The following TFEB variants were observed in gnomAD, a reference collection of about 807,000 sequenced individuals.
TFEB encodes T-cell transcription factor EB.
Under a neutral mutation model 48.0 loss-of-function variants are expected in TFEB, and 12 were observed. That is an observed-to-expected ratio of 0.25 (90% confidence interval 0.16 to 0.40). The LOEUF is 0.40. TFEB is among the 10% of genes least tolerant of loss of function. The pLI is 1.00. For missense variants in TFEB, 509 were observed against 640.3 expected (o/e 0.79, Z 2.21); for synonymous variants, 244 against 261.4 (o/e 0.93, Z 0.64).
rs138848200 is a variant in TFEB at position 41,690,516 on chromosome 6, G to T, written c.468+147C>A. The T allele has an allele frequency of 5.6e-4, 523 of 940,934 alleles. 4 individuals carry two copies. In the African/African-American group the frequency reaches 7.7e-3, roughly 14 times the overall value. 58.3% of individuals were successfully genotyped at this position (940,934 alleles called of 1,614,324 possible). A position where few individuals can be genotyped will look rare whatever the true frequency, so the allele number is the denominator to read the frequency against. ...GCTGTGTCTTCCCCCCTGAGATTGG[G>T]GCTCCCTGAGAAGGGCTCTGTCCCC... is the stretch of plus-strand genomic sequence containing the variant. On this transcript the variant is annotated intron_variant, in intron 3 of 8. Coordinates refer to ENST00000373033, the MANE Select transcript of TFEB (RefSeq NM_001271944.2).
At chr6:41,689,058 C>G (rs1769160927) in intron 4 of TFEB, among the ~76,000 whole-genome samples, 1 of 152,242 alleles carries the variant, frequency 6.6e-6, no homozygotes, top group Non-Finnish European at 1.5e-5. Context: ...AATCTTCCCA[C>G]AATCCTGTGG....
chr6:41,734,860 G>T lies in TFEB; in HGVS notation c.-23+490C>A. On this transcript the variant is annotated intron_variant, in intron 1 of 8. Transcript: ENST00000373033. The surrounding 1 kb of genome is among the most constrained non-coding windows in gnomAD (Gnocchi z 4.0). ...CCGCTCTGGCCCTCCCACTCCCCCC[G>T]CTGGCCTGGCCAGACTCAGCCCCCG... The T allele has an allele frequency of 1.1e-6, 1 of 927,264 alleles. No homozygotes were observed. The highest frequency in any genetic ancestry group is 1.3e-6 in the Non-Finnish European group (1 of 785,568). 57.4% of individuals were successfully genotyped at this position (927,264 alleles called of 1,614,324 possible).
chr6:41,733,722 C>T, intron 1 of TFEB: 1 of 985,488 alleles, frequency 1.0e-6, no homozygotes, highest in Non-Finnish European at 1.2e-6. Flanking sequence ...TCTGCCTCTG[C>T]CTCTCCTGGC....
chr6:41,734,924 C>G lies in TFEB; in HGVS notation c.-23+426G>C. 1.0e-6 allele frequency: 1 copy of G among 985,412 alleles called. No homozygotes were observed. The highest frequency in any genetic ancestry group is 1.2e-6 in the Non-Finnish European group (1 of 829,950). 61.0% of individuals were successfully genotyped at this position (985,412 alleles called of 1,614,324 possible). ...CCTCCGACCCCCTCTCAGGCATCGC[C>G]GGCCCCAGCCGTGTCCGGTGGAGGG... is the stretch of plus-strand genomic sequence containing the variant. On this transcript the variant is annotated intron_variant, in intron 1 of 8. Coordinates refer to ENST00000373033, the MANE Select transcript of TFEB (RefSeq NM_001271944.2). This position sits in a 1 kb window ranked among gnomAD's most constrained non-coding sequence, Gnocchi z 4.0.
At chr6:41,717,139 G>A (rs777939634) in intron 1 of TFEB, among the ~76,000 whole-genome samples, 13 of 152,274 alleles carry the variant, frequency 8.5e-5, no homozygotes, top group Non-Finnish European at 1.5e-4. Context: ...CCCCCAGCTC[G>A]AAAATCGTGC....
intron 1 of TFEB, among the ~76,000 whole-genome samples, chr6:41,726,740 G>A (rs975974911): frequency 2.0e-4 from 31 of 152,108 alleles, no homozygotes; most frequent in African/African-American, 7.5e-4. Context: ...CACCCAGCCA[G>A]GGGTTCACTT....
At chr6:41,696,383 C>T (rs9369302) in intron 1 of TFEB, among the ~76,000 whole-genome samples, 114,850 of 152,048 alleles carry the variant, frequency 0.76, 43,643 homozygotes, top group African/African-American at 0.84. Context: ...CAAATGTCCA[C>T]TAAAGAAAGA....
In TFEB at chr6:41,684,960, C is replaced by T. The variant is rs936413114; in HGVS notation, c.1070G>A (p.Gly357Glu). The change falls in exon 9 of 9, where the codon GGG becomes GAG. Residue 357 changes from glycine (G) to glutamate (E), a missense_variant. Gly to Glu is a moderately conservative substitution (Grantham distance 98). Around this residue, in one of 4 missense-constraint regions of TFEB, gnomAD observed 168 missense variants for 161.0 expected, o/e 1.04. Transcript: ENST00000373033. ...CTCAGCCCCCAGCATCAGGGCCTCC[C>T]CTGGGCCCTCTTCGCTAGGCAGCTC... ...KQELPSEEGP[G>E]EALMLGAEVP... is the part of the protein sequence containing the mutation. The T allele has an allele frequency of 8.2e-6, 13 of 1,583,940 alleles. No homozygotes were observed. The highest frequency in any genetic ancestry group is 7.2e-5 in the Admixed American group (4 of 55,702).
At chr6:41,687,575 G>T in intron 6 of TFEB, 178 bp downstream of exon 6, 1 of 757,462 alleles carries the variant, frequency 1.3e-6, no homozygotes, top group South Asian at 1.7e-5. Flanking sequence ...TGGAAAGACA[G>T]CACTAATAGT....
At chr6:41,702,462 T>C (rs1296463651) in intron 1 of TFEB, among the ~76,000 whole-genome samples, 1 of 151,984 alleles carries the variant, frequency 6.6e-6, no homozygotes, top group Non-Finnish European at 1.5e-5. Flanking sequence ...GACTCAGCCA[T>C]AGATGGCTCC....
In TFEB at chr6:41,734,810, T is replaced by A; in HGVS notation, c.-23+540A>T. On this transcript the variant is annotated intron_variant, in intron 1 of 8. Coordinates refer to ENST00000373033, the MANE Select transcript of TFEB (RefSeq NM_001271944.2). This position sits in a 1 kb window ranked among gnomAD's most constrained non-coding sequence, Gnocchi z 4.0. ...GATGGTACTTCCACCCGCCCCCCCA[T>A]CAGCCCAGCCCCCGGGGCGTGGCGC... 5.3e-5 allele frequency: 35 copies of A among 657,254 alleles called. No individual in the cohort carries two copies. Among genetic ancestry groups the A allele is most frequent in the Non-Finnish European group, 5.8e-5 (31 of 532,312 alleles). 40.7% of individuals were successfully genotyped at this position (657,254 alleles called of 1,614,324 possible). A position where few individuals can be genotyped will look rare whatever the true frequency, so the allele number is the denominator to read the frequency against.
intron 1 of TFEB, among the ~76,000 whole-genome samples, chr6:41,694,505 G>A (rs1769478290): frequency 6.6e-6 from 1 of 152,134 alleles, no homozygotes; most frequent in Non-Finnish European, 1.5e-5. Flanking sequence ...GTTGCTGAGT[G>A]TGGTGTAGGT....
intron 8 of TFEB, among the ~76,000 whole-genome samples, chr6:41,685,733 G>T (rs1048702752): frequency 6.6e-6 from 1 of 152,212 alleles, no homozygotes. Context: ...TGAGGTTAGA[G>T]TACTTGTAGA....
intron 1 of TFEB, among the ~76,000 whole-genome samples, chr6:41,700,709 G>A (rs1769873604): frequency 6.6e-6 from 1 of 152,154 alleles, no homozygotes; most frequent in Admixed American, 6.5e-5. Flanking sequence ...TGGGGAGGAG[G>A]GAAAGGAAGG....
In TFEB at chr6:41,734,015, C is replaced by G. The variant is rs1771561888; in HGVS notation, c.-23+1335G>C. On this transcript the variant is annotated intron_variant, in intron 1 of 8. Coordinates refer to ENST00000373033, the MANE Select transcript of TFEB (RefSeq NM_001271944.2). The surrounding 1 kb of genome is among the most constrained non-coding windows in gnomAD (Gnocchi z 4.0). ...GCCTGCATCCGTCTTGTCCCTTTCC[C>G]TGAGGGATGAAGCAGCCCCTCACTC... 1 of 347,512 alleles carries G rather than the reference C, an allele frequency of 2.9e-6. No homozygotes were observed. Among genetic ancestry groups the G allele is most frequent in the Non-Finnish European group, 4.1e-6 (1 of 246,684 alleles). The allele number at this position is 347,512 out of a possible 1,614,324, so 21.5% of individuals were successfully genotyped here.
At chr6:41,719,247 C>T (rs1770876369) in intron 1 of TFEB, among the ~76,000 whole-genome samples, 1 of 152,150 alleles carries the variant, frequency 6.6e-6, no homozygotes. Context: ...GGAAAACAAG[C>T]TCAGGGCTCC....
In TFEB at chr6:41,691,860, G is replaced by A. The variant is rs1384234086; in HGVS notation, c.-22-625C>T. On this transcript the variant is annotated intron_variant, in intron 1 of 8. Transcript: ENST00000373033. The surrounding 1 kb of genome is among the most constrained non-coding windows in gnomAD (Gnocchi z 5.2). ...CTCGTGTTCCCCTTTGACCCCATCC[G>A]CCAGCTCTCCCTCTTGTTTTATCTG... Among the ~76,000 whole-genome samples, 1 of 151,978 alleles carries A rather than the reference G, an allele frequency of 6.6e-6. No individual in the cohort carries two copies. The highest frequency in any genetic ancestry group is 1.5e-5 in the Non-Finnish European group (1 of 68,006).
At chr6:41,733,028 G>C in intron 1 of TFEB, 2 of 985,522 alleles carry the variant, frequency 2.0e-6, no homozygotes, top group Non-Finnish European at 2.4e-6. Context: ...GCTACTCCCT[G>C]TGGGGGCAGG....
chr6:41,734,178 G>C lies in TFEB; in HGVS notation c.-23+1172C>G, dbSNP rs1771570299. 4.7e-6 allele frequency: 1 copy of C among 212,468 alleles called. No homozygotes were observed. Among genetic ancestry groups the C allele is most frequent in the African/African-American group, 2.3e-5 (1 of 42,698 alleles). 13.2% of individuals were successfully genotyped at this position (212,468 alleles called of 1,614,324 possible). ...CCGTCCCCAGAACAGACAGGCGAGA[G>C]AACGACGGCTGGAGCTGAGGGGGGT... On this transcript the variant is annotated intron_variant, in intron 1 of 8. Transcript: ENST00000373033. The surrounding 1 kb of genome is among the most constrained non-coding windows in gnomAD (Gnocchi z 4.0).
Sources: gnomAD v4.1 joint callset for allele counts (sites outside exome capture counted in the v4.1 genomes callset) on GRCh38, gnomAD v4.1.1 for gene constraint, gnomAD v4.1.1 regional missense constraint, Gnocchi (gnomAD v3.1) non-coding constraint, MANE v1.5 for transcripts, NCBI Gene and HGNC (gene_info 2026-07-23, HGNC 2026-07-21) for gene names.